The following CSMD1 variants were observed in gnomAD, a reference collection of about 807,000 sequenced individuals.
CSMD1 encodes CUB and Sushi multiple domains 1.
A neutral mutation model predicts 417.5 loss-of-function variants in CSMD1; 213 were observed. The ratio of observed to expected loss-of-function variants is 0.51; its 90% CI spans 0.46 to 0.57. The LOEUF is 0.57. Among genes scored for constraint, CSMD1 ranks in the 20% least tolerant of loss-of-function variants. The pLI is 0.00. For synonymous variants in CSMD1, 2,862 were observed against 1,736.8 expected (o/e 1.65, Z -16.11); for missense variants, 6,923 against 4,529.7 (o/e 1.53, Z -15.17).
Position 2,954,227 on chromosome 8 carries a change from G to A in CSMD1, c.10036C>T (p.Pro3346Ser). The A allele has an allele frequency of 6.7e-7, 1 of 1,497,450 alleles. No homozygotes were observed. Among genetic ancestry groups the A allele is most frequent in the Non-Finnish European group, 9.1e-7 (1 of 1,104,024 alleles). 92.8% of individuals were successfully genotyped at this position (1,497,450 alleles called of 1,614,324 possible). Residue 3346 changes from proline to serine, a missense_variant, in exon 65 of 70, where the codon CCA becomes TCA. Physicochemically the swap from Pro to Ser is moderately conservative, Grantham distance 74 (BLOSUM62 -1). Coordinates refer to ENST00000635120, the MANE Select transcript of CSMD1 (RefSeq NM_033225.6). ...AGAACTGTTCTGGTATACAAACCTG[G>A]AGTTTTAGTAACTGTTTCATTAACT... is the stretch of plus-strand genomic sequence containing the variant. The part of the protein sequence containing the change: ...REVNETVTKT[P>S]VPSDVFFVNS...
intron 12 of CSMD1, among the ~76,000 whole-genome samples, chr8:3,427,696 CT>C (rs1367539854): frequency 6.6e-6 from 1 of 152,122 alleles, no homozygotes; most frequent in Non-Finnish European, 1.5e-5. Flanking sequence ...CTTTTATCAA[CT>C]TTTTTTCAAA....
At chr8:4,229,708 C>G (rs1801589240) in intron 3 of CSMD1, among the ~76,000 whole-genome samples, 1 of 152,146 alleles carries the variant, frequency 6.6e-6, no homozygotes, top group Non-Finnish European at 1.5e-5. Context: ...CAGCCCCTTC[C>G]TCTTGCTTGA....
chr8:3,352,381 G>C (rs1039984410), intron 21 of CSMD1, among the ~76,000 whole-genome samples: 1 of 152,100 alleles, frequency 6.6e-6, no homozygotes, highest in African/African-American at 2.4e-5. Context: ...ATTGACTTGT[G>C]ACACAAATTC....
chr8:4,791,665 G>A (rs190670159), intron 1 of CSMD1, among the ~76,000 whole-genome samples: 1 of 152,180 alleles, frequency 6.6e-6, no homozygotes, highest in Non-Finnish European at 1.5e-5. Context: ...CAGAAGGCTA[G>A]TTAAGACATG....
chr8:4,709,105 T>G (rs1258288061), intron 1 of CSMD1, among the ~76,000 whole-genome samples: 1 of 152,060 alleles, frequency 6.6e-6, no homozygotes, highest in Non-Finnish European at 1.5e-5. Flanking sequence ...GTAGACTGGG[T>G]TGGAAAAAAT....
At chr8:3,320,278 C>T (rs1053492778) in intron 23 of CSMD1, among the ~76,000 whole-genome samples, 1 of 152,106 alleles carries the variant, frequency 6.6e-6, no homozygotes, top group African/African-American at 2.4e-5. Context: ...CTGAGTTCTT[C>T]CCAAATTCTG....
At chr8:4,805,589 T>G (rs921675176) in intron 1 of CSMD1, among the ~76,000 whole-genome samples, 1 of 152,214 alleles carries the variant, frequency 6.6e-6, no homozygotes, top group Non-Finnish European at 1.5e-5. Flanking sequence ...AGGAAGACGC[T>G]GAGCCAAAAC....
chr8:4,048,552 G>C (rs922424640), intron 3 of CSMD1, among the ~76,000 whole-genome samples: 4 of 152,196 alleles, frequency 2.6e-5, no homozygotes, highest in African/African-American at 7.2e-5. Flanking sequence ...GTAAAAGGGA[G>C]AGCCAGGATT....
chr8:3,046,889 A>G (rs1811481267), intron 50 of CSMD1, among the ~76,000 whole-genome samples: 1 of 152,144 alleles, frequency 6.6e-6, no homozygotes, highest in African/African-American at 2.4e-5. Context: ...TAATTGAATC[A>G]CGTAGCTTAG....
At chr8:4,910,209 A>T (rs1314896571) in intron 1 of CSMD1, among the ~76,000 whole-genome samples, 1 of 152,228 alleles carries the variant, frequency 6.6e-6, no homozygotes, top group Non-Finnish European at 1.5e-5. Context: ...ATACTGGACT[A>T]AATTATTATT....
chr8:4,335,743 C>T (rs1800127814), intron 3 of CSMD1, among the ~76,000 whole-genome samples: 1 of 152,036 alleles, frequency 6.6e-6, no homozygotes, highest in Admixed American at 6.6e-5. Context: ...ATAGGGCTCA[C>T]GGCAACAAGA....
intron 8 of CSMD1, among the ~76,000 whole-genome samples, chr8:3,606,235 T>G (rs1434555897): frequency 6.6e-6 from 1 of 152,004 alleles, no homozygotes; most frequent in South Asian, 2.1e-4. Flanking sequence ...GGATGCAGTG[T>G]GAGAAATGCA....
chr8:4,268,215 TAAAGA>T (rs1379434951), intron 3 of CSMD1, among the ~76,000 whole-genome samples: 7 of 152,166 alleles, frequency 4.6e-5, no homozygotes, highest in African/African-American at 1.2e-4. Flanking sequence ...TCATCCTGTT[TAAAGA>T]AAATAATTGT....
intron 5 of CSMD1, among the ~76,000 whole-genome samples, chr8:3,949,326 G>C (rs568936185): frequency 4.6e-5 from 7 of 152,160 alleles, no homozygotes; most frequent in African/African-American, 1.7e-4. Flanking sequence ...CTGAAATGTT[G>C]TAGCCTCTGA....
chr8:3,048,332 G>A (rs533247838), intron 50 of CSMD1, among the ~76,000 whole-genome samples: 23 of 152,110 alleles, frequency 1.5e-4, no homozygotes, highest in East Asian at 3.9e-4. Flanking sequence ...ATATTCTGTC[G>A]TAGCCAAATA....
intron 1 of CSMD1, among the ~76,000 whole-genome samples, chr8:4,866,248 A>C (rs967170737): frequency 2.6e-5 from 4 of 151,954 alleles, no homozygotes; most frequent in Non-Finnish European, 5.9e-5. Context: ...CTTGAAATTC[A>C]CATTAAATCT....
At chr8:3,807,570 C>A (rs554608636) in intron 5 of CSMD1, among the ~76,000 whole-genome samples, 2 of 152,276 alleles carry the variant, frequency 1.3e-5, no homozygotes, top group South Asian at 4.2e-4. Flanking sequence ...ATTTTAATAA[C>A]AGACTTACAA....
At chr8:3,713,050 G>C (rs543354187) in intron 6 of CSMD1, among the ~76,000 whole-genome samples, 3 of 151,932 alleles carry the variant, frequency 2.0e-5, no homozygotes, top group South Asian at 2.1e-4. Context: ...TTCCCCAAAA[G>C]CAACAAACAA....
At chr8:3,545,890 G>C (rs919376301) in intron 10 of CSMD1, among the ~76,000 whole-genome samples, 6 of 152,214 alleles carry the variant, frequency 3.9e-5, no homozygotes, top group African/African-American at 1.4e-4. Flanking sequence ...TAGTGATGTA[G>C]CAATAAAATT....
Sources: allele counts gnomAD v4.1 joint callset (sites outside exome capture counted in the v4.1 genomes callset), GRCh38; gene constraint gnomAD v4.1.1; transcripts MANE v1.5; gene names NCBI Gene and HGNC (gene_info 2026-07-23, HGNC 2026-07-21).